Variants in PCDH15 observed in about 807,000 individuals in gnomAD.
PCDH15 encodes the protein protocadherin related 15, also known as protocadherin-15.
A neutral mutation model predicts 178.5 loss-of-function variants in PCDH15; 129 were observed. The ratio of observed to expected loss-of-function variants is 0.72; its 90% confidence interval spans 0.63 to 0.84. The LOEUF (loss-of-function observed/expected upper bound fraction) is 0.84, where lower values mean the gene tolerates loss of function less well. Among genes scored for constraint, PCDH15 ranks in the 40% least tolerant of loss-of-function variants. PCDH15 has a pLI of 0.00. For missense variants in PCDH15, 2,230 were observed against 2,099.9 expected (o/e 1.06, Z -1.21); for synonymous variants, 800 against 732.0 (o/e 1.09, Z -1.50).
At chr10:55,393,983 C>CT (rs150421744) in intron 2 of PCDH15, among the ~76,000 whole-genome samples, 11 of 151,670 alleles carry the variant, frequency 7.3e-5, no homozygotes, top group Middle Eastern at 6.8e-3. Flanking sequence ...ATATATATAA[C>CT]TTTTTTTTTC....
At chr10:54,462,285 G>GA (rs1565338040) in intron 3 of PCDH15, among the ~76,000 whole-genome samples, 1 of 142,628 alleles carries the variant, frequency 7.0e-6, no homozygotes, top group African/African-American at 2.8e-5. Context: ...TTTTTGGAAG[G>GA]AAACACACAC....
intron 2 of PCDH15, among the ~76,000 whole-genome samples, chr10:55,387,964 C>A (rs1183505139): frequency 6.6e-6 from 1 of 151,966 alleles, no homozygotes; most frequent in Non-Finnish European, 1.5e-5. Flanking sequence ...CCTCACTTCA[C>A]TTCTGGCTAT....
chr10:55,410,325 CAT>C (rs1838300681), intron 2 of PCDH15, among the ~76,000 whole-genome samples: 1 of 150,760 alleles, frequency 6.6e-6, no homozygotes, highest in Admixed American at 6.7e-5. Flanking sequence ...AGTGAAATAA[CAT>C]GAGTGAATCT....
chr10:54,895,810 T>C (rs1378845291), intron 3 of PCDH15, among the ~76,000 whole-genome samples: 3 of 152,170 alleles, frequency 2.0e-5, no homozygotes, highest in East Asian at 3.8e-4. Flanking sequence ...TTTTTAGCCA[T>C]ACACGTTAGT....
intron 2 of PCDH15, among the ~76,000 whole-genome samples, chr10:55,523,966 G>T (rs1841244976): frequency 6.6e-6 from 1 of 151,328 alleles, no homozygotes; most frequent in African/African-American, 2.4e-5. Flanking sequence ...AACTGTTCCA[G>T]TTCTACAGTC....
chr10:54,974,478 G>A (rs950789643), intron 2 of PCDH15, among the ~76,000 whole-genome samples: 3 of 151,330 alleles, frequency 2.0e-5, no homozygotes, highest in African/African-American at 4.9e-5. Context: ...ATACATGAAC[G>A]TGTGTGTATA....
intron 13 of PCDH15, among the ~76,000 whole-genome samples, chr10:54,158,840 G>A (rs2133405680): frequency 6.6e-6 from 1 of 152,200 alleles, no homozygotes; most frequent in East Asian, 1.9e-4. Context: ...GGAAGCTGTG[G>A]CTCACGCTTG....
chr10:54,873,797 G>C (rs544259924), intron 3 of PCDH15, among the ~76,000 whole-genome samples: 14 of 147,226 alleles, frequency 9.5e-5, no homozygotes, highest in Admixed American at 2.7e-4. Context: ...ATATATATAT[G>C]TTGGCTCTAC....
intron 9 of PCDH15, among the ~76,000 whole-genome samples, chr10:54,222,686 G>A (rs1226696514): frequency 6.6e-6 from 1 of 152,174 alleles, no homozygotes; most frequent in Non-Finnish European, 1.5e-5. Flanking sequence ...ATTCTGGTGT[G>A]TATGTAGTGA....
At chr10:54,786,898 G>A (rs1228328816) in intron 1 of PCDH15, among the ~76,000 whole-genome samples, 3 of 151,602 alleles carry the variant, frequency 2.0e-5, no homozygotes, top group African/African-American at 7.3e-5. Flanking sequence ...TTTATAACTT[G>A]TATCCATTGC....
At chr10:54,182,018 C>T (rs563161033) in intron 13 of PCDH15, among the ~76,000 whole-genome samples, 49 of 150,496 alleles carry the variant, frequency 3.3e-4, no homozygotes, top group African/African-American at 1.0e-3. Context: ...AGTGCAGTGG[C>T]GCCATCTTGG....
chr10:55,266,628 C>A (rs1205652929), intron 1 of PCDH15, among the ~76,000 whole-genome samples: 1 of 152,146 alleles, frequency 6.6e-6, no homozygotes, highest in Admixed American at 6.5e-5. Flanking sequence ...GATTCACAAG[C>A]AGCTGGAGGT....
At chr10:54,159,309 G>T (rs1192216638) in intron 13 of PCDH15, among the ~76,000 whole-genome samples, 1 of 152,030 alleles carries the variant, frequency 6.6e-6, no homozygotes, top group African/African-American at 2.4e-5. Flanking sequence ...TACTGTAAAA[G>T]AGTGTTTTTT....
At chr10:54,368,493 A>T (rs947690975) in intron 5 of PCDH15, among the ~76,000 whole-genome samples, 1 of 151,210 alleles carries the variant, frequency 6.6e-6, no homozygotes. Context: ...ACCACGGTTT[A>T]AAAAAAAATA....
intron 14 of PCDH15, among the ~76,000 whole-genome samples, chr10:54,147,567 A>G (rs1225661328): frequency 6.6e-6 from 1 of 151,948 alleles, no homozygotes; most frequent in African/African-American, 2.4e-5. Flanking sequence ...AAAACACTTC[A>G]AATGTAATAT....
At chr10:54,750,027 A>G (rs1380329966) in intron 1 of PCDH15, among the ~76,000 whole-genome samples, 1 of 152,062 alleles carries the variant, frequency 6.6e-6, no homozygotes. Context: ...TCTCATTAGC[A>G]ATAAATAATA....
chr10:54,830,400 C>A lies in PCDH15; in HGVS notation c.-29+67050G>T, dbSNP rs555484836. ...ACATATACACCATGGAATACTATGC[C>A]GCCATAAAAAATGATGAGTTCATGT... On this transcript the variant is annotated intron_variant, in intron 3 of 5. Coordinates refer to the PCDH15 transcript ENST00000458638. Among the ~76,000 whole-genome samples, 403 of 151,770 alleles carry A rather than the reference C, an allele frequency of 2.7e-3. 2 individuals carry two copies. Among genetic ancestry groups the A allele is most frequent in the African/African-American group, 7.3e-3 (304 of 41,362 alleles).
chr10:53,857,184 T>C lies in PCDH15; in HGVS notation c.3797A>G (p.Asp1266Gly), dbSNP rs2078805937. The change falls in exon 28 of 38, where the codon GAT (aspartate) becomes GGT (glycine). Residue 1266 changes from aspartate (D) to glycine (G), a missense_variant. Transcript: ENST00000644397. Reference sequence around the variant, plus strand: ...AGACAAAATCAATTACTCTGTAAGATCTTCTATCTTTTTTTCCACTAGAGT... The same window carrying C: ...AGACAAAATCAATTACTCTGTAAGACCTTCTATCTTTTTTTCCACTAGAGT... ...PPTLVEKKIE[D>G]LTEILDRYVQ... is the part of the protein sequence containing the mutation. 1.9e-6 allele frequency: 3 copies of C among 1,594,498 alleles called. No individual in the cohort carries two copies. The highest frequency in any genetic ancestry group is 2.6e-6 in the Non-Finnish European group (3 of 1,162,886).
chr10:53,940,781 G>GAT, intron 24 of PCDH15, 85 bp downstream of exon 24: 6 of 953,204 alleles, frequency 6.3e-6, no homozygotes, highest in Non-Finnish European at 5.0e-6. Context: ...CAATAGAATA[G>GAT]ATAATAATTT....
Sources: gnomAD v4.1 joint callset for allele counts (sites outside exome capture counted in the v4.1 genomes callset) on GRCh38, gnomAD v4.1.1 for gene constraint, MANE v1.5 for transcripts, NCBI Gene and HGNC (gene_info 2026-07-23, HGNC 2026-07-21) for gene names.